The following MAP3K21 variants were observed in gnomAD, a reference collection of about 807,000 sequenced individuals.
The protein encoded by MAP3K21 is mitogen-activated protein kinase kinase kinase 21.
Under a neutral mutation model 86.1 loss-of-function variants are expected in MAP3K21, and 63 were observed. The ratio of observed to expected loss-of-function variants is 0.73; its 90% CI spans 0.60 to 0.90. MAP3K21 has a LOEUF of 0.90. Among genes scored for constraint, MAP3K21 ranks in the 40% least tolerant of loss-of-function variants. The pLI, the probability that MAP3K21 is intolerant of heterozygous loss-of-function variation, is 0.00. For synonymous variants in MAP3K21, 558 were observed against 564.8 expected (o/e 0.99, Z 0.17); for missense variants, 1,220 against 1,367.7 (o/e 0.89, Z 1.70).
intron 1 of MAP3K21, among the ~76,000 whole-genome samples, chr1:233,339,366 C>CT (rs1464116356): frequency 0.23 from 19,537 of 83,358 alleles, 3,774 homozygotes; most frequent in East Asian, 0.32. Context: ...TCTCCTTCTC[C>CT]TCCTTCTCCT....
intron 8 of MAP3K21, among the ~76,000 whole-genome samples, chr1:233,377,965 C>T (rs1033668700): frequency 2.0e-5 from 3 of 152,134 alleles, no homozygotes; most frequent in African/African-American, 7.2e-5. Flanking sequence ...GCTGAACTGA[C>T]ACAGGGCGGA....
chr1:233,359,705 A>G (rs1360991315), intron 4 of MAP3K21, among the ~76,000 whole-genome samples: 3 of 152,254 alleles, frequency 2.0e-5, no homozygotes, highest in Non-Finnish European at 4.4e-5. Flanking sequence ...AATGATTAAC[A>G]GCCACTGCCA....
chr1:233,331,364 A>T (rs1412067691), intron 1 of MAP3K21, among the ~76,000 whole-genome samples: 3 of 152,218 alleles, frequency 2.0e-5, no homozygotes, highest in Non-Finnish European at 4.4e-5. Context: ...GAAGAGTTTG[A>T]CTGGGGTCTA....
chr1:233,345,757 A>G (rs1161733961), intron 1 of MAP3K21, among the ~76,000 whole-genome samples: 1 of 120,046 alleles, frequency 8.3e-6, no homozygotes, highest in Non-Finnish European at 1.7e-5. Flanking sequence ...AATAATAATA[A>G]TAATAAAAGC....
chr1:233,348,423 G>A (rs755327348), intron 2 of MAP3K21, among the ~76,000 whole-genome samples: 1 of 152,166 alleles, frequency 6.6e-6, no homozygotes, highest in Non-Finnish European at 1.5e-5. Context: ...TTTGGCGACT[G>A]CAAATAGAAC....
Position 233,372,098 on chromosome 1 carries a change from A to G in MAP3K21, c.1613A>G (p.Asn538Ser), listed in dbSNP as rs1389074571. ...AACTTGGACAAACGGCGGAGCCTGA[A>G]CAGCAGCAGTTCCAGTCCCCCGAGC... The part of the protein sequence containing the change: ...SPNLDKRRSL[N>S]SSSSSPPSSP... The change falls in exon 6 of 10, where the codon AAC becomes AGC. Residue 538 changes from asparagine (N) to serine (S), a missense_variant. By Grantham distance (46) the Asn-to-Ser change is conservative. Around this residue, in one of 5 missense-constraint regions of MAP3K21, gnomAD observed 632 missense variants for 691.3 expected, o/e 0.91. Coordinates refer to ENST00000366624, the MANE Select transcript of MAP3K21 (RefSeq NM_032435.3). 7.4e-6 allele frequency: 12 copies of G among 1,614,042 alleles called. No individual in the cohort carries two copies. The African/African-American group carries it at 1.5e-4, about 20-fold the overall frequency.
intron 1 of MAP3K21, among the ~76,000 whole-genome samples, chr1:233,336,660 T>C (rs952210230): frequency 6.6e-6 from 1 of 152,246 alleles, no homozygotes; most frequent in Admixed American, 6.5e-5. Context: ...ATTTCACTAA[T>C]GTGCTTTAAC....
At chr1:233,340,688 G>A (rs756594731) in intron 1 of MAP3K21, among the ~76,000 whole-genome samples, 22 of 152,116 alleles carry the variant, frequency 1.4e-4, no homozygotes, top group Non-Finnish European at 2.8e-4. Context: ...TATGCTATGT[G>A]ATAAATTGAG....
intron 6 of MAP3K21, chr1:233,372,512 A>C: frequency 3.2e-6 from 1 of 310,494 alleles, no homozygotes; most frequent in Non-Finnish European, 5.8e-6. Context: ...TGAAAAATGA[A>C]ATCAGGAATT....
chr1:233,355,552 T>C (rs533632448), intron 4 of MAP3K21, among the ~76,000 whole-genome samples: 1 of 152,338 alleles, frequency 6.6e-6, no homozygotes, highest in South Asian at 2.1e-4. Context: ...TGAATGATTC[T>C]TTGAATGCCA....
intron 9 of MAP3K21, among the ~76,000 whole-genome samples, chr1:233,380,389 A>G (rs916195072): frequency 6.6e-6 from 1 of 152,152 alleles, no homozygotes; most frequent in Non-Finnish European, 1.5e-5. Context: ...GACATCAGTC[A>G]CATTGGATTA....
At chr1:233,364,061 C>T (rs996771776) in intron 5 of MAP3K21, among the ~76,000 whole-genome samples, 1 of 151,916 alleles carries the variant, frequency 6.6e-6, no homozygotes, top group Admixed American at 6.6e-5. Context: ...ATGAGGTGGT[C>T]ATCATGAGAG....
At position 233,379,714 on chromosome 1, in the gene MAP3K21, G is replaced by T; in HGVS notation, c.2704+4G>T. ...TCTGATGGAAATCCGACCCCAAGTAGGTTGCATTAATTAGGTAAAAGCATA... is the reference window on the plus strand; with the variant it reads ...TCTGATGGAAATCCGACCCCAAGTATGTTGCATTAATTAGGTAAAAGCATA... On this transcript the variant is annotated splice_donor_region_variant and intron_variant, in intron 9 of 9. Coordinates refer to ENST00000366624, the MANE Select transcript of MAP3K21 (RefSeq NM_032435.3). 1 of 1,603,916 alleles carries T rather than the reference G, an allele frequency of 6.2e-7. No homozygotes were observed. Among genetic ancestry groups the T allele is most frequent in the Non-Finnish European group, 8.5e-7 (1 of 1,175,894 alleles).
intron 5 of MAP3K21, among the ~76,000 whole-genome samples, chr1:233,369,146 G>C (rs2102762667): frequency 6.8e-6 from 1 of 147,662 alleles, no homozygotes; most frequent in Non-Finnish European, 1.5e-5. Context: ...GGTCTAAGGT[G>C]ATCATAGAAG....
chr1:233,354,418 C>G (rs1306650592), intron 3 of MAP3K21, among the ~76,000 whole-genome samples: 3 of 152,090 alleles, frequency 2.0e-5, no homozygotes, highest in Non-Finnish European at 4.4e-5. Flanking sequence ...CATTGTTAGG[C>G]TATTTTTGAT....
chr1:233,345,681 T>G (rs992573598), intron 1 of MAP3K21, among the ~76,000 whole-genome samples: 6 of 151,770 alleles, frequency 4.0e-5, no homozygotes. Context: ...TGTATACCTA[T>G]GTATCAAACC....
In MAP3K21 at chr1:233,328,289, G is replaced by A; in HGVS notation, c.261G>A (p.Arg87=). The A allele has an allele frequency of 4.7e-6, 7 of 1,488,102 alleles. No individual in the cohort carries two copies. The highest frequency in any genetic ancestry group is 1.3e-5 in the South Asian group (1 of 79,400). The allele number at this position is 1,488,102 out of a possible 1,614,324, so 92.2% of individuals were successfully genotyped here. ...GCTGGTGGGCAGGCCAGGTGCAGCGGCGCCTCGGCATCTTCCCCGCCAACT... is the reference window on the plus strand; with the variant it reads ...GCTGGTGGGCAGGCCAGGTGCAGCGACGCCTCGGCATCTTCCCCGCCAACT... The part of the protein sequence containing the change: ...DEGWWAGQVQ[R]RLGIFPANYV... The change falls in exon 1 of 10, where the codon CGG becomes CGA. Residue 87 remains arginine (R), a synonymous_variant. Transcript: ENST00000366624. This position sits in a 1 kb window ranked among gnomAD's most constrained non-coding sequence, Gnocchi z 8.7.
In MAP3K21 at chr1:233,346,424, CTT is replaced by C. The variant is rs1213346133; in HGVS notation, c.806-15_806-14del. The C allele has an allele frequency of 2.6e-6, 4 of 1,568,580 alleles. No homozygotes were observed. The highest frequency in any genetic ancestry group is 3.5e-6 in the Non-Finnish European group (4 of 1,152,876). Reference sequence around the variant, plus strand: ...ATTAAAAGAATATGCAAATGTCTCACTTTTGATTTTTCTTTAGTTTTGCTACT... The same window carrying C: ...ATTAAAAGAATATGCAAATGTCTCACTTGATTTTTCTTTAGTTTTGCTACT... On this transcript the variant is annotated splice_polypyrimidine_tract_variant and intron_variant, in intron 1 of 9. Coordinates refer to ENST00000366624, the MANE Select transcript of MAP3K21 (RefSeq NM_032435.3).
At chr1:233,355,238 AAG>A (rs10577378) in intron 4 of MAP3K21, among the ~76,000 whole-genome samples, 3 of 151,518 alleles carry the variant, frequency 2.0e-5, no homozygotes, top group East Asian at 2.0e-4. Context: ...CAAAGTAAAA[AAG>A]AGAGAGAGAG....
Sources: allele counts gnomAD v4.1 joint callset (sites outside exome capture counted in the v4.1 genomes callset), GRCh38; gene constraint gnomAD v4.1.1; regional missense constraint gnomAD v4.1.1; non-coding constraint Gnocchi (gnomAD v3.1); transcripts MANE v1.5; gene names NCBI Gene and HGNC (gene_info 2026-07-23, HGNC 2026-07-21).